LHX4: variants seen among roughly 807,000 people sequenced by gnomAD.
The protein encoded by LHX4 is LIM homeobox 4.
A neutral mutation model predicts 39.2 loss-of-function variants in LHX4; 16 were observed. That is an observed-to-expected ratio of 0.41 (90% CI 0.28 to 0.62). The LOEUF (loss-of-function observed/expected upper bound fraction) is 0.62. Among genes scored for constraint, LHX4 ranks in the 20% least tolerant of loss-of-function variants. LHX4 has a pLI of 0.33. For missense variants in LHX4, 439 were observed against 511.9 expected (o/e 0.86, Z 1.37); for synonymous variants, 206 against 198.1 (o/e 1.04, Z -0.33).
chr1:180,259,868 G>A (rs565830766), intron 2 of LHX4, among the ~76,000 whole-genome samples: 39 of 151,754 alleles, frequency 2.6e-4, no homozygotes, highest in Middle Eastern at 3.4e-3. Flanking sequence ...GAAGAACAGC[G>A]GGGTCCAATG....
intron 1 of LHX4, among the ~76,000 whole-genome samples, chr1:180,245,040 T>G (rs1647334811): frequency 6.6e-6 from 1 of 152,240 alleles, no homozygotes; most frequent in Non-Finnish European, 1.5e-5. Flanking sequence ...CTGCTGGCTC[T>G]GCATGCCCTT....
rs542092797 is a variant in LHX4 at position 180,240,491 on chromosome 1, A to G, written c.77-7794A>G. On this transcript the variant is annotated intron_variant, in intron 1 of 5. Coordinates refer to ENST00000263726, the MANE Select transcript of LHX4 (RefSeq NM_033343.4). ...CATTGTCGGATATGTTGGCTCTCAT[A>G]TTAGTCTCTTTAGTGGAATTTTTTT... Among the ~76,000 whole-genome samples, 3 of 152,324 alleles carry G rather than the reference A, an allele frequency of 2.0e-5. No homozygotes were observed. In the East Asian group the frequency reaches 5.8e-4, roughly 29 times the overall value.
rs796879260 is a variant in LHX4, at chr1:180,277,834, T to A, written c.*3255T>A. The A allele has an allele frequency of 4.2e-5, 6 of 143,552 alleles. No homozygotes were observed. The highest frequency in any genetic ancestry group is 1.5e-4 in the African/African-American group (6 of 40,022). The allele number at this position is 143,552 out of a possible 1,614,324, so 8.9% of individuals were successfully genotyped here. On this transcript the variant is annotated 3_prime_UTR_variant, in exon 6 of 6. Transcript: ENST00000263726. ...AAACATCAGGGAAAGAGGAAAAAATTAAGCCACAAGAAAACCATTTGGCAG... is the reference window on the plus strand; with the variant it reads ...AAACATCAGGGAAAGAGGAAAAAATAAAGCCACAAGAAAACCATTTGGCAG...
Position 180,266,590 on chromosome 1 carries a change from G to C in LHX4, c.447G>C (p.Gln149His). The C allele has an allele frequency of 6.2e-7, 1 of 1,614,030 alleles. No individual in the cohort carries two copies. Among genetic ancestry groups the C allele is most frequent in the Non-Finnish European group, 8.5e-7 (1 of 1,179,960 alleles). The change falls in exon 3 of 6, where the codon CAG becomes CAC. Residue 149 changes from glutamine (Q) to histidine (H), a missense_variant. Transcript: ENST00000263726. The surrounding 1 kb of genome is among the most constrained non-coding windows in gnomAD (Gnocchi z 5.7). ...VCKEDYETAKQNDDSEAGAKR... is the reference protein window; with the variant it reads ...VCKEDYETAKHNDDSEAGAKR... The stretch of plus-strand genomic sequence containing the variant: ...AGGAAGACTACGAGACAGCCAAGCA[G>C]AACGGTAAGCAGCATGGCCCCGCAT...
chr1:180,254,017 T>C (rs992971640), intron 2 of LHX4, among the ~76,000 whole-genome samples: 3 of 152,136 alleles, frequency 2.0e-5, no homozygotes, highest in Admixed American at 2.0e-4. Context: ...CAAACAGAGC[T>C]GTGGAATTGA....
intron 1 of LHX4, among the ~76,000 whole-genome samples, chr1:180,243,867 C>T (rs1647277200): frequency 6.6e-6 from 1 of 152,186 alleles, no homozygotes; most frequent in South Asian, 2.1e-4. Context: ...TTGAGACTCT[C>T]TCTGCCACAA....
chr1:180,243,584 G>A (rs1349871750), intron 1 of LHX4, among the ~76,000 whole-genome samples: 2 of 152,178 alleles, frequency 1.3e-5, no homozygotes, highest in Non-Finnish European at 2.9e-5. Flanking sequence ...TGCCTGGAGT[G>A]TGGGGTCTGA....
At position 180,232,904 on chromosome 1, in the gene LHX4, G is replaced by A. The variant is rs769291045; in HGVS notation, c.76+2299G>A. On this transcript the variant is annotated intron_variant, in intron 1 of 5. Coordinates refer to ENST00000263726, the MANE Select transcript of LHX4 (RefSeq NM_033343.4). The surrounding 1 kb of genome is among the most constrained non-coding windows in gnomAD (Gnocchi z 5.4). ...AGTAGGCTCTTAAACCCTAGAGGAG[G>A]GGAGACAAAAGAAACGCTCTCCCAC... Among the ~76,000 whole-genome samples the A allele has an allele frequency of 1.6e-4, 24 of 152,188 alleles. No individual in the cohort carries two copies. Among genetic ancestry groups the A allele is most frequent in the Non-Finnish European group, 2.4e-4 (16 of 68,036 alleles).
intron 2 of LHX4, among the ~76,000 whole-genome samples, chr1:180,258,118 A>G (rs898681516): frequency 6.6e-6 from 1 of 152,258 alleles, no homozygotes; most frequent in Non-Finnish European, 1.5e-5. Context: ...GCTGTTGCAG[A>G]ACTTGCCTTC....
chr1:180,254,866 G>A (rs1162190995), intron 2 of LHX4, among the ~76,000 whole-genome samples: 1 of 151,888 alleles, frequency 6.6e-6, no homozygotes, highest in Non-Finnish European at 1.5e-5. Flanking sequence ...AGGCCATGAG[G>A]GGCATCTACA....
chr1:180,254,620 C>G (rs1647767981), intron 2 of LHX4, among the ~76,000 whole-genome samples: 1 of 152,226 alleles, frequency 6.6e-6, no homozygotes, highest in Admixed American at 6.5e-5. Context: ...CAGGGGGCAG[C>G]TGCCCACAGG....
chr1:180,262,281 G>A (rs1422989146), intron 2 of LHX4, among the ~76,000 whole-genome samples: 18 of 132,524 alleles, frequency 1.4e-4, no homozygotes, highest in African/African-American at 1.4e-4. Context: ...ACTTTGAAAG[G>A]AAAAAAAAAA....
Position 180,271,427 on chromosome 1 carries a change from A to G in LHX4, c.499A>G (p.Lys167Glu), listed in dbSNP as rs1195858026. 1 of 1,614,178 alleles carries G rather than the reference A, an allele frequency of 6.2e-7. No individual in the cohort carries two copies. The highest frequency in any genetic ancestry group is 8.5e-7 in the Non-Finnish European group (1 of 1,180,022). The stretch of plus-strand genomic sequence containing the variant: ...GCGGCCCCGGACCACCATCACAGCC[A>G]AGCAGCTGGAGACATTAAAGAATGC... ...AKRPRTTITA[K>E]QLETLKNAYK... The change falls in exon 4 of 6, where the codon AAG (lysine) becomes GAG (glutamate). Residue 167 changes from lysine to glutamate, a missense_variant. Coordinates refer to ENST00000263726, the MANE Select transcript of LHX4 (RefSeq NM_033343.4).
chr1:180,234,024 CCTT>C lies in LHX4; in HGVS notation c.76+3423_76+3425del, dbSNP rs1378636461. 3.3e-5 allele frequency among the ~76,000 whole-genome samples: 5 copies of C among 150,882 alleles called. No individual in the cohort carries two copies. The highest frequency in any genetic ancestry group is 4.9e-5 in the African/African-American group (2 of 41,016). The stretch of plus-strand genomic sequence containing the variant: ...CCGAGTCCCCGGGGTTGTTGACTGT[CCTT>C]CTTGCAGGACATTTCTTAAGGGGGT... On this transcript the variant is annotated intron_variant, in intron 1 of 5. Coordinates refer to ENST00000263726, the MANE Select transcript of LHX4 (RefSeq NM_033343.4). This position sits in a 1 kb window ranked among gnomAD's most constrained non-coding sequence, Gnocchi z 4.8.
chr1:180,272,032 C>T (rs374758687), intron 5 of LHX4, 26 bp downstream of exon 5: 13 of 1,599,806 alleles, frequency 8.1e-6, no homozygotes, highest in African/African-American at 8.1e-5. Context: ...GGGGCCAGGC[C>T]GAGGCCTTAG....
intron 2 of LHX4, among the ~76,000 whole-genome samples, chr1:180,260,238 C>T (rs1648055238): frequency 1.3e-5 from 2 of 151,728 alleles, no homozygotes; most frequent in African/African-American, 2.4e-5. Flanking sequence ...ATGGCAGCTG[C>T]CTTTATTACC....
intron 1 of LHX4, among the ~76,000 whole-genome samples, chr1:180,243,962 T>C (rs1356309895): frequency 6.6e-6 from 1 of 152,212 alleles, no homozygotes; most frequent in Non-Finnish European, 1.5e-5. Flanking sequence ...TTAGTCCATC[T>C]TCAGGAAAGC....
chr1:180,261,070 T>C (rs886246371), intron 2 of LHX4, among the ~76,000 whole-genome samples: 3 of 151,994 alleles, frequency 2.0e-5, no homozygotes, highest in African/African-American at 7.3e-5. Context: ...ATGGGCCTCA[T>C]TTCAACCCGG....
At position 180,255,254 on chromosome 1, in the gene LHX4, A is replaced by C. The variant is rs540817587; in HGVS notation, c.248+6798A>C. Reference sequence around the variant, plus strand: ...TTGGTCGTAGAGTCAGTGTGGAGTCAGACTTTTGCTGAGCCACTTATTATT... The same window carrying C: ...TTGGTCGTAGAGTCAGTGTGGAGTCCGACTTTTGCTGAGCCACTTATTATT... On this transcript the variant is annotated intron_variant, in intron 2 of 5. Coordinates refer to ENST00000263726, the MANE Select transcript of LHX4 (RefSeq NM_033343.4). 2.0e-5 allele frequency among the ~76,000 whole-genome samples: 3 copies of C among 152,392 alleles called. No individual in the cohort carries two copies. The South Asian group carries it at 6.2e-4, about 32-fold the overall frequency.
Sources: allele counts gnomAD v4.1 joint callset (sites outside exome capture counted in the v4.1 genomes callset), GRCh38; gene constraint gnomAD v4.1.1; non-coding constraint Gnocchi (gnomAD v3.1); transcripts MANE v1.5; gene names NCBI Gene and HGNC (gene_info 2026-07-23, HGNC 2026-07-21).